Variants in TP63 observed in about 807,000 individuals in gnomAD.
TP63 encodes tumor protein 63.
Under a neutral mutation model 82.8 loss-of-function variants are expected in TP63, and 17 were observed. The observed-to-expected ratio is 0.21, with a 90% CI of 0.14 to 0.31. The LOEUF (loss-of-function observed/expected upper bound fraction) is 0.31, where lower values mean the gene tolerates loss of function less well. TP63 is among the 10% of genes least tolerant of loss of function. The probability of loss-of-function intolerance (pLI) is 1.00; values close to 1 mark genes in which losing one functional copy is unlikely to be tolerated. For missense variants in TP63, 648 were observed against 895.3 expected, an observed-to-expected ratio of 0.72 and a Z score of 3.52; for synonymous variants, 330 against 321.7, an observed-to-expected ratio of 1.03 and a Z score of -0.28.
chr3:189,878,228 T>C (rs1415118373), intron 10 of TP63, among the ~76,000 whole-genome samples: 1 of 152,064 alleles, frequency 6.6e-6, no homozygotes, highest in Non-Finnish European at 1.5e-5. Context: ...TGATAGAAAA[T>C]GTCAACACCG....
At chr3:189,819,712 T>G (rs1331581251) in intron 4 of TP63, among the ~76,000 whole-genome samples, 1 of 152,052 alleles carries the variant, frequency 6.6e-6, no homozygotes, top group Non-Finnish European at 1.5e-5. Flanking sequence ...TTATTGTTCT[T>G]TCACAGTACT....
chr3:189,621,606 C>T, the TP63 span, among the ~76,000 whole-genome samples: 1 of 151,728 alleles, frequency 6.6e-6, no homozygotes. Flanking sequence ...CATAAATGTG[C>T]ATATATGCAT....
Position 189,886,521 on chromosome 3 carries a change from A to G in TP63, c.1477A>G (p.Thr493Ala), listed in dbSNP as rs774842245. Residue 493 changes from threonine (T) to alanine (A), a missense_variant, in exon 11 of 14, where the codon ACA becomes GCA. This residue lies in a region of TP63 where 342 missense variants were observed against 425.7 expected (regional missense o/e 0.80). Transcript: ENST00000264731. ...NPQQRNALTP[T>A]TIPDGMGANI... ...TCAGCAGCGCAACGCCCTCACTCCT[A>G]CAACCATTCCTGATGGCATGGGAGC... The G allele has an allele frequency of 1.9e-6, 3 of 1,613,898 alleles. No homozygotes were observed. The highest frequency in any genetic ancestry group is 1.7e-6 in the Non-Finnish European group (2 of 1,179,992).
intron 4 of TP63, among the ~76,000 whole-genome samples, chr3:189,817,441 T>C (rs1209917050): frequency 6.6e-6 from 1 of 152,140 alleles, no homozygotes; most frequent in Non-Finnish European, 1.5e-5. Context: ...AGGTCTTTTG[T>C]CTCTGTCTGT....
intron 1 of TP63, among the ~76,000 whole-genome samples, chr3:189,709,630 G>A (rs965835711): frequency 3.9e-5 from 6 of 152,046 alleles, no homozygotes; most frequent in African/African-American, 1.4e-4. Flanking sequence ...GGGCAACAGA[G>A]CAAGACTCCG....
chr3:189,645,639 A>G (rs1414246408), intron 1 of TP63, among the ~76,000 whole-genome samples: 2 of 148,034 alleles, frequency 1.4e-5, no homozygotes, highest in African/African-American at 5.0e-5. Context: ...TATATCTCCT[A>G]ATGCTATCCC....
At chr3:189,659,611 T>C (rs1461173157) in intron 1 of TP63, among the ~76,000 whole-genome samples, 2 of 152,108 alleles carry the variant, frequency 1.3e-5, no homozygotes, top group East Asian at 3.9e-4. Context: ...GGTAGTTCTG[T>C]TTTAAGTTCT....
the TP63 span, among the ~76,000 whole-genome samples, chr3:189,601,601 G>A: frequency 2.6e-5 from 4 of 152,260 alleles, no homozygotes; most frequent in East Asian, 7.7e-4. Flanking sequence ...TTAGAACATT[G>A]AAGTGATACT....
chr3:189,686,719 G>A (rs1240658846), intron 1 of TP63, among the ~76,000 whole-genome samples: 1 of 145,420 alleles, frequency 6.9e-6, no homozygotes, highest in Non-Finnish European at 1.5e-5. Flanking sequence ...GGGGGTGGGG[G>A]GCAGGGGCAG....
chr3:189,602,589 A>G, the TP63 span, among the ~76,000 whole-genome samples: 1 of 152,230 alleles, frequency 6.6e-6, no homozygotes, highest in East Asian at 1.9e-4. Flanking sequence ...TTATAATTAA[A>G]GTATAATACA....
At chr3:189,762,374 T>A (rs1722648064) in intron 3 of TP63, among the ~76,000 whole-genome samples, 1 of 152,142 alleles carries the variant, frequency 6.6e-6, no homozygotes, top group Non-Finnish European at 1.5e-5. Flanking sequence ...TTGTAGGGCA[T>A]GACTCCTCAG....
intron 1 of TP63, among the ~76,000 whole-genome samples, chr3:189,734,675 A>G (rs1720443322): frequency 6.6e-6 from 1 of 152,140 alleles, no homozygotes; most frequent in Admixed American, 6.5e-5. Flanking sequence ...CTCCTGCTTC[A>G]TCAAGAAAAT....
At chr3:189,800,364 A>T (rs899745123) in intron 3 of TP63, among the ~76,000 whole-genome samples, 15 of 151,830 alleles carry the variant, frequency 9.9e-5, no homozygotes, top group Middle Eastern at 3.4e-3. Context: ...ACAAGATCAG[A>T]TTTGCAATGC....
chr3:189,786,789 T>A (rs1724637024), intron 3 of TP63, among the ~76,000 whole-genome samples: 3 of 152,014 alleles, frequency 2.0e-5, no homozygotes, highest in Non-Finnish European at 4.4e-5. Context: ...CTTGGGACAT[T>A]GACGTAAAAT....
At chr3:189,696,993 T>G (rs1717427015) in intron 1 of TP63, among the ~76,000 whole-genome samples, 1 of 152,110 alleles carries the variant, frequency 6.6e-6, no homozygotes, top group Non-Finnish European at 1.5e-5. Flanking sequence ...GTCTTTTTAG[T>G]CTCTTAATAG....
intron 1 of TP63, among the ~76,000 whole-genome samples, chr3:189,646,834 A>G (rs1227183996): frequency 6.8e-6 from 1 of 147,720 alleles, no homozygotes; most frequent in Non-Finnish European, 1.5e-5. Context: ...ATTCTTTTAT[A>G]AAATGCCTTT....
chr3:189,790,893 G>T (rs1725066343), intron 3 of TP63, among the ~76,000 whole-genome samples: 1 of 152,118 alleles, frequency 6.6e-6, no homozygotes, highest in Admixed American at 6.6e-5. Context: ...TGCGAAGCAG[G>T]GCCTGTGCTA....
At chr3:189,660,185 A>G (rs896466052) in intron 1 of TP63, among the ~76,000 whole-genome samples, 7 of 152,026 alleles carry the variant, frequency 4.6e-5, no homozygotes, top group African/African-American at 1.7e-4. Context: ...ATAGTTTGCA[A>G]TCTTAAATTT....
chr3:189,860,563 C>T (rs1716901325), intron 4 of TP63, among the ~76,000 whole-genome samples: 1 of 152,192 alleles, frequency 6.6e-6, no homozygotes, highest in Admixed American at 6.5e-5. Context: ...GCGATTGTGC[C>T]AGACCACTTC....
Sources: allele counts gnomAD v4.1 joint callset (sites outside exome capture counted in the v4.1 genomes callset), GRCh38; gene constraint gnomAD v4.1.1; regional missense constraint gnomAD v4.1.1; transcripts MANE v1.5; gene names NCBI Gene and HGNC (gene_info 2026-07-23, HGNC 2026-07-21).